Variants in ANKFY1 observed in about 807,000 individuals in gnomAD.
The protein encoded by ANKFY1 is ankyrin repeat and FYVE domain containing 1, also known as ankyrin repeat and FYVE domain-containing protein 1.
ANKFY1 carries 47 observed loss-of-function variants against 128.3 expected under a neutral mutation model. The ratio of observed to expected loss-of-function variants is 0.37; its 90% CI spans 0.29 to 0.47. The LOEUF (loss-of-function observed/expected upper bound fraction) is 0.47, where lower values mean the gene tolerates loss of function less well. Ranked by LOEUF, ANKFY1 falls within the 20% of genes least tolerant of loss-of-function variation. The pLI, the probability that ANKFY1 is intolerant of heterozygous loss-of-function variation, is 1.00. For missense variants in ANKFY1, 1,222 were observed against 1,510.6 expected (o/e 0.81, Z 3.17); for synonymous variants, 553 against 601.6 (o/e 0.92, Z 1.18).
chr17:4,257,388 T>C (rs1968185096), intron 1 of ANKFY1, among the ~76,000 whole-genome samples: 1 of 152,198 alleles, frequency 6.6e-6, no homozygotes, highest in Admixed American at 6.5e-5. Flanking sequence ...TTCGGTAGTA[T>C]CGCTCCATGA....
intron 2 of ANKFY1, among the ~76,000 whole-genome samples, chr17:4,240,418 G>T (rs1276457891): frequency 1.3e-5 from 2 of 150,572 alleles, no homozygotes; most frequent in Non-Finnish European, 3.0e-5. Context: ...TTAAGACAGG[G>T]TCTCTCTCTG....
intron 1 of ANKFY1, among the ~76,000 whole-genome samples, chr17:4,262,691 G>T (rs1968486799): frequency 6.6e-6 from 1 of 152,118 alleles, no homozygotes; most frequent in South Asian, 2.1e-4. Flanking sequence ...AAGCTACAGT[G>T]AGCCGTGACC....
chr17:4,237,252 G>A (rs1025580287), intron 2 of ANKFY1, among the ~76,000 whole-genome samples: 12 of 152,014 alleles, frequency 7.9e-5, no homozygotes, highest in South Asian at 4.1e-4. Context: ...TGAAAGTATC[G>A]GCAATTCTAG....
chr17:4,186,710 C>G, intron 11 of ANKFY1: 6 of 655,630 alleles, frequency 9.2e-6, no homozygotes, highest in Non-Finnish European at 1.1e-5. Flanking sequence ...CTGCTCCTCC[C>G]GCTCCTCTAC....
At chr17:4,190,102 T>A (rs1383988014) in intron 10 of ANKFY1, among the ~76,000 whole-genome samples, 2 of 152,156 alleles carry the variant, frequency 1.3e-5, no homozygotes, top group Non-Finnish European at 2.9e-5. Flanking sequence ...CTGCACACTG[T>A]ACAATGTTCG....
At position 4,172,606 on chromosome 17, in the gene ANKFY1, T is replaced by A. The variant is rs781353549; in HGVS notation, c.3089A>T (p.Glu1030Val). Residue 1030 changes from glutamate (E) to valine (V), a missense_variant, in exon 22 of 25, where the codon GAA (glutamate) becomes GTA (valine). Physicochemically the swap from Glu to Val is moderately radical, Grantham distance 121. Transcript: ENST00000341657. ...NAAAIFDLFL[E>V]CMPGYPLDKP... is the part of the protein sequence containing the mutation. ...GTCCAGAGGATACCCCGGCATGCAT[T>A]CTAGGAAGAGATCAAAGATGGCCGC... is the stretch of plus-strand genomic sequence containing the variant. 8 of 1,614,082 alleles carry A rather than the reference T, an allele frequency of 5.0e-6. No individual in the cohort carries two copies. The highest frequency in any genetic ancestry group is 6.8e-6 in the Non-Finnish European group (8 of 1,179,952).
At chr17:4,195,264 TTTTTC>T in intron 9 of ANKFY1, 87 bp from the exon 10 acceptor site, 3 of 1,396,518 alleles carry the variant, frequency 2.1e-6, no homozygotes, top group Non-Finnish European at 1.9e-6. Flanking sequence ...CTCTTTACCC[TTTTTC>T]AATGACACAT....
intron 10 of ANKFY1, among the ~76,000 whole-genome samples, chr17:4,194,101 A>ATTTT (rs1470223065): frequency 1.6e-4 from 15 of 93,314 alleles, no homozygotes; most frequent in African/African-American, 7.5e-4. Context: ...ATATATATAT[A>ATTTT]TATTTTTTTT....
At chr17:4,174,492 T>C (rs1225714135) in intron 19 of ANKFY1, among the ~76,000 whole-genome samples, 2 of 152,140 alleles carry the variant, frequency 1.3e-5, no homozygotes, top group African/African-American at 4.8e-5. Context: ...AAGATGTTGA[T>C]GACAAGTAAG....
chr17:4,249,395 T>G (rs1707308189), intron 1 of ANKFY1, among the ~76,000 whole-genome samples: 1 of 152,200 alleles, frequency 6.6e-6, no homozygotes, highest in Admixed American at 6.5e-5. Context: ...GTTAAAATAT[T>G]TAAAATATAG....
intron 2 of ANKFY1, among the ~76,000 whole-genome samples, chr17:4,236,392 A>G (rs1966905776): frequency 6.6e-6 from 1 of 152,240 alleles, no homozygotes; most frequent in Non-Finnish European, 1.5e-5. Flanking sequence ...GAAACCCAGT[A>G]TCTGGACTCC....
In ANKFY1 at chr17:4,216,854, C is replaced by G. The variant is rs2060227930; in HGVS notation, c.458+129G>C. On this transcript the variant is annotated intron_variant, in intron 4 of 24. Transcript: ENST00000341657. ...CAAGGGAGGTAACATCTGTCCCCAGCATCGCCTTTAAAGGAACACCTTGCC... is the reference window on the plus strand; with the variant it reads ...CAAGGGAGGTAACATCTGTCCCCAGGATCGCCTTTAAAGGAACACCTTGCC... 3.9e-6 allele frequency: 5 copies of G among 1,286,140 alleles called. No individual in the cohort carries two copies. The East Asian group carries it at 1.2e-4, about 32-fold the overall frequency. The allele number at this position is 1,286,140 out of a possible 1,614,324, so 79.7% of individuals were successfully genotyped here. A position where few individuals can be genotyped will look rare whatever the true frequency, so the allele number is the denominator to read the frequency against.
chr17:4,256,297 G>A (rs929721949), intron 1 of ANKFY1, among the ~76,000 whole-genome samples: 3 of 151,902 alleles, frequency 2.0e-5, no homozygotes, highest in South Asian at 2.1e-4. Flanking sequence ...GCGCAGTGGC[G>A]GGCGCCTGTA....
chr17:4,182,073 T>C lies in ANKFY1; in HGVS notation c.2121+108A>G. On this transcript the variant is annotated intron_variant, in intron 15 of 24. Transcript: ENST00000341657. ...TCAACTGCTTGTCCTTGTCCCACTA[T>C]GTTACTTGACAGATCTTGCTCCTGT... The C allele has an allele frequency of 2.6e-6, 3 of 1,142,720 alleles. No individual in the cohort carries two copies. In the South Asian group the frequency reaches 9.7e-5, roughly 37 times the overall value. The allele number at this position is 1,142,720 out of a possible 1,614,324, so 70.8% of individuals were successfully genotyped here. A position where few individuals can be genotyped will look rare whatever the true frequency, so the allele number is the denominator to read the frequency against.
intron 1 of ANKFY1, among the ~76,000 whole-genome samples, chr17:4,244,080 A>C (rs1371077960): frequency 6.6e-6 from 1 of 152,016 alleles, no homozygotes; most frequent in Non-Finnish European, 1.5e-5. Flanking sequence ...ACAGGTGGGC[A>C]CCACCACGCC....
At chr17:4,197,038 G>A (rs1009256897) in intron 8 of ANKFY1, among the ~76,000 whole-genome samples, 1 of 152,180 alleles carries the variant, frequency 6.6e-6, no homozygotes, top group Non-Finnish European at 1.5e-5. Flanking sequence ...AGGATCACCT[G>A]TGCTCAGGAG....
chr17:4,210,708 C>A (rs1353874169), intron 4 of ANKFY1, among the ~76,000 whole-genome samples: 87 of 42,444 alleles, frequency 2.0e-3, no homozygotes, highest in African/African-American at 6.8e-3. Context: ...AACTCTGTCG[C>A]AAAAAAAAAA....
chr17:4,195,932 C>T (rs928801999), intron 8 of ANKFY1, among the ~76,000 whole-genome samples: 6 of 151,860 alleles, frequency 4.0e-5, no homozygotes, highest in South Asian at 2.1e-4. Context: ...ATTTAGCACT[C>T]GGGAGCCCTG....
Position 4,181,366 on chromosome 17 carries a change from G to C in ANKFY1, c.2128C>G (p.His710Asp). The part of the protein sequence containing the change: ...LEDIASTLVR[H>D]GCDATCWGPG... ...CCCCAGCATGTGGCATCACAGCCAT[G>C]TCTGACCTGCAGAAAAACATAGGTT... Residue 710 changes from histidine (H) to aspartate (D), a missense_variant, in exon 16 of 25, where the codon CAT becomes GAT. His to Asp is a moderately conservative substitution (Grantham distance 81). Coordinates refer to ENST00000341657, the MANE Select transcript of ANKFY1 (RefSeq NM_001330063.2). The surrounding 1 kb of genome is among the most constrained non-coding windows in gnomAD (Gnocchi z 4.9). 6.2e-7 allele frequency: 1 copy of C among 1,613,226 alleles called. No individual in the cohort carries two copies. The highest frequency in any genetic ancestry group is 8.5e-7 in the Non-Finnish European group (1 of 1,179,154).
Sources: gnomAD v4.1 joint callset for allele counts (sites outside exome capture counted in the v4.1 genomes callset) on GRCh38, gnomAD v4.1.1 for gene constraint, Gnocchi (gnomAD v3.1) non-coding constraint, MANE v1.5 for transcripts, NCBI Gene and HGNC (gene_info 2026-07-23, HGNC 2026-07-21) for gene names.